Variants in SLC8A1 observed in about 807,000 individuals in gnomAD.
SLC8A1 encodes solute carrier family 8 member A1.
Under a neutral mutation model 68.3 loss-of-function variants are expected in SLC8A1, and 18 were observed. The observed-to-expected ratio is 0.26, with a 90% CI of 0.18 to 0.39. The LOEUF (loss-of-function observed/expected upper bound fraction) is 0.39, where lower values mean the gene tolerates loss of function less well. Among genes scored for constraint, SLC8A1 ranks in the 10% least tolerant of loss-of-function variants. The pLI is 1.00. For missense variants in SLC8A1, 985 were observed against 1,156.7 expected, an observed-to-expected ratio of 0.85 and a Z score of 2.15; for synonymous variants, 475 against 415.5, an observed-to-expected ratio of 1.14 and a Z score of -1.74.
intron 2 of SLC8A1, among the ~76,000 whole-genome samples, chr2:40,317,989 G>C (rs1313405452): frequency 1.3e-5 from 2 of 152,056 alleles, no homozygotes; most frequent in Admixed American, 1.3e-4. Context: ...GAGAGGATTG[G>C]AGAGCAACAC....
intron 2 of SLC8A1, among the ~76,000 whole-genome samples, chr2:40,280,077 A>C (rs1346514498): frequency 6.6e-6 from 1 of 152,184 alleles, no homozygotes; most frequent in African/African-American, 2.4e-5. Flanking sequence ...AGTGAAAATG[A>C]AAAGAACTTT....
intron 2 of SLC8A1, among the ~76,000 whole-genome samples, chr2:40,309,194 T>C (rs552137430): frequency 6.6e-6 from 1 of 152,354 alleles, no homozygotes; most frequent in South Asian, 2.1e-4. Context: ...ATTTTGTTTA[T>C]TCCTTATTTA....
intron 2 of SLC8A1, among the ~76,000 whole-genome samples, chr2:40,382,852 AT>A (rs1451926153): frequency 6.6e-6 from 1 of 152,104 alleles, no homozygotes; most frequent in Non-Finnish European, 1.5e-5. Flanking sequence ...CTACTTTGAC[AT>A]TTTGATTAAC....
chr2:40,294,889 G>A (rs1026957093), intron 2 of SLC8A1, among the ~76,000 whole-genome samples: 2 of 151,946 alleles, frequency 1.3e-5, no homozygotes, highest in African/African-American at 2.4e-5. Context: ...TCACATGTAC[G>A]TATAATCTGT....
At chr2:40,333,156 A>G (rs1234576582) in intron 2 of SLC8A1, among the ~76,000 whole-genome samples, 1 of 152,248 alleles carries the variant, frequency 6.6e-6, no homozygotes, top group East Asian at 1.9e-4. Context: ...ACTGTCTTTT[A>G]GGCCGGGTGC....
chr2:40,297,404 T>C (rs1251677597), intron 2 of SLC8A1, among the ~76,000 whole-genome samples: 2 of 152,178 alleles, frequency 1.3e-5, no homozygotes, highest in Non-Finnish European at 2.9e-5. Flanking sequence ...TACTGACACA[T>C]TTTAAGATTC....
At chr2:40,134,098 T>TG (rs57881418) in intron 7 of SLC8A1, among the ~76,000 whole-genome samples, 85,331 of 144,182 alleles carry the variant, frequency 0.59, 24,564 homozygotes, top group East Asian at 0.8. Flanking sequence ...TTTGTTTGTG[T>TG]TTTTTTTTTT....
intron 6 of SLC8A1, among the ~76,000 whole-genome samples, chr2:40,152,360 G>C (rs2148386882): frequency 6.6e-6 from 1 of 152,204 alleles, no homozygotes; most frequent in Admixed American, 6.5e-5. Flanking sequence ...TAGAGTTAAT[G>C]TGAGGCAGAA....
intron 2 of SLC8A1, among the ~76,000 whole-genome samples, chr2:40,331,501 A>G (rs1277602574): frequency 6.6e-6 from 1 of 152,196 alleles, no homozygotes; most frequent in East Asian, 1.9e-4. Context: ...GCAAAATTTT[A>G]TGTGAGTTAA....
chr2:40,413,892 A>G (rs1692996520), intron 2 of SLC8A1, among the ~76,000 whole-genome samples: 1 of 152,212 alleles, frequency 6.6e-6, no homozygotes, highest in African/African-American at 2.4e-5. Context: ...CAAGCACATG[A>G]TGATGCGTCT....
At chr2:40,306,461 G>T (rs1190324135) in intron 2 of SLC8A1, among the ~76,000 whole-genome samples, 1 of 128,260 alleles carries the variant, frequency 7.8e-6, no homozygotes, top group Non-Finnish European at 1.5e-5. Context: ...GTGGGGGGGG[G>T]CATAGCGTGG....
At chr2:40,434,305 G>T (rs1028060294) in intron 1 of SLC8A1, among the ~76,000 whole-genome samples, 1 of 152,150 alleles carries the variant, frequency 6.6e-6, no homozygotes, top group Non-Finnish European at 1.5e-5. Context: ...TAGCTTATTG[G>T]CAATGAAGCA....
At chr2:40,328,147 G>A (rs1029718260) in intron 2 of SLC8A1, among the ~76,000 whole-genome samples, 4 of 152,072 alleles carry the variant, frequency 2.6e-5, no homozygotes, top group African/African-American at 9.7e-5. Context: ...AGTTGAGGTA[G>A]AAACTATTCA....
chr2:40,497,042 T>C (rs1705756126), intron 1 of SLC8A1, among the ~76,000 whole-genome samples: 1 of 151,290 alleles, frequency 6.6e-6, no homozygotes, highest in African/African-American at 2.4e-5. Flanking sequence ...ACCTGCACAA[T>C]GTGCACATGT....
chr2:40,165,594 T>C (rs2046414355), intron 4 of SLC8A1, among the ~76,000 whole-genome samples: 1 of 152,196 alleles, frequency 6.6e-6, no homozygotes, highest in Admixed American at 6.5e-5. Context: ...TTCAGTCTGG[T>C]GCAAAGCCAA....
chr2:40,257,603 C>T (rs2064124528), intron 2 of SLC8A1, among the ~76,000 whole-genome samples: 1 of 152,142 alleles, frequency 6.6e-6, no homozygotes, highest in Non-Finnish European at 1.5e-5. Context: ...CAACACTCCC[C>T]CTGTGACAAT....
intron 6 of SLC8A1, among the ~76,000 whole-genome samples, chr2:40,150,875 G>T (rs2043291905): frequency 6.6e-6 from 1 of 152,048 alleles, no homozygotes; most frequent in African/African-American, 2.4e-5. Context: ...GTAGCTACCT[G>T]ATTCAACATT....
At chr2:40,272,326 C>A (rs1380016618) in intron 2 of SLC8A1, among the ~76,000 whole-genome samples, 9 of 152,132 alleles carry the variant, frequency 5.9e-5, no homozygotes, top group Non-Finnish European at 7.4e-5. Context: ...TGGGAGGGTT[C>A]TTTTCCTGAT....
intron 2 of SLC8A1, among the ~76,000 whole-genome samples, chr2:40,399,933 G>A (rs901198368): frequency 2.0e-5 from 3 of 152,164 alleles, no homozygotes; most frequent in African/African-American, 4.8e-5. Context: ...GGGCCTGGTC[G>A]TTAAAGATCG....
Sources: allele counts gnomAD v4.1 joint callset (sites outside exome capture counted in the v4.1 genomes callset), GRCh38; gene constraint gnomAD v4.1.1; transcripts MANE v1.5; gene names NCBI Gene and HGNC (gene_info 2026-07-23, HGNC 2026-07-21).